The following SCAPER variants were observed in gnomAD, a reference collection of about 807,000 sequenced individuals.
The protein encoded by SCAPER is S phase cyclin A-associated protein in the endoplasmic reticulum.
SCAPER carries 98 observed loss-of-function variants against 182.2 expected under a neutral mutation model. That is an observed-to-expected ratio of 0.54 (90% CI 0.46 to 0.64). The LOEUF (loss-of-function observed/expected upper bound fraction) is 0.64. Among genes scored for constraint, SCAPER ranks in the 30% least tolerant of loss-of-function variants. The pLI, the probability that SCAPER is intolerant of heterozygous loss-of-function variation, is 0.00. For synonymous variants in SCAPER, 605 were observed against 564.6 expected (o/e 1.07, Z -1.01); for missense variants, 1,432 against 1,690.0 (o/e 0.85, Z 2.68).
chr15:76,573,595 G>GAAGAAGATAC (rs1225238631), intron 23 of SCAPER, among the ~76,000 whole-genome samples: 4 of 151,974 alleles, frequency 2.6e-5, no homozygotes, highest in Non-Finnish European at 4.4e-5. Flanking sequence ...AAAATGTTTG[G>GAAGAAGATAC]AAGAAGATAC....
At position 76,728,714 on chromosome 15, in the gene SCAPER, T is replaced by C. The variant is rs779151233; in HGVS notation, c.2046A>G (p.Ala682=). ...AVQERKRALE[A]ERQARVEELL... ...ATTCTTCTACACGGGCCTGCCGCTC[T>C]GCCTCTAGAGCTCTCTTGCGTTCCT... The change falls in exon 17 of 32, where the codon GCA becomes GCG. Residue 682 remains alanine, a synonymous_variant. Coordinates refer to ENST00000563290, the MANE Select transcript of SCAPER (RefSeq NM_020843.4). 5 of 1,613,300 alleles carry C rather than the reference T, an allele frequency of 3.1e-6. No individual in the cohort carries two copies. The African/African-American group carries it at 5.3e-5, about 17-fold the overall frequency.
chr15:76,610,724 G>C (rs1250957088), intron 22 of SCAPER, among the ~76,000 whole-genome samples: 1 of 151,998 alleles, frequency 6.6e-6, no homozygotes, highest in Non-Finnish European at 1.5e-5. Context: ...TAACTAAAAA[G>C]GTGAAAGACT....
At chr15:76,676,974 A>G (rs954908610) in intron 20 of SCAPER, among the ~76,000 whole-genome samples, 1 of 151,960 alleles carries the variant, frequency 6.6e-6, no homozygotes. Context: ...GTCAATTTGC[A>G]TAAGGTTATA....
intron 15 of SCAPER, among the ~76,000 whole-genome samples, chr15:76,742,244 T>C (rs1198915083): frequency 6.6e-6 from 1 of 151,790 alleles, no homozygotes; most frequent in African/African-American, 2.4e-5. Flanking sequence ...GTGATCGGTA[T>C]TAGAAACAAG....
chr15:76,644,671 C>T (rs182692675), intron 21 of SCAPER, among the ~76,000 whole-genome samples: 13 of 152,160 alleles, frequency 8.5e-5, no homozygotes, highest in Admixed American at 5.9e-4. Context: ...CCCCACAATA[C>T]CCAGTATAAA....
intron 15 of SCAPER, among the ~76,000 whole-genome samples, chr15:76,750,320 C>T (rs1486237342): frequency 6.6e-6 from 1 of 151,684 alleles, no homozygotes; most frequent in Non-Finnish European, 1.5e-5. Context: ...TAAGAAAATC[C>T]CTGGACCTGA....
chr15:76,715,623 G>A (rs1228310303), intron 17 of SCAPER, among the ~76,000 whole-genome samples: 2 of 152,030 alleles, frequency 1.3e-5, no homozygotes, highest in Non-Finnish European at 2.9e-5. Context: ...ATTATACCAA[G>A]TCAGGGTCCC....
At chr15:76,830,910 G>T (rs73445371) in intron 5 of SCAPER, among the ~76,000 whole-genome samples, 1 of 151,956 alleles carries the variant, frequency 6.6e-6, no homozygotes, top group Non-Finnish European at 1.5e-5. Context: ...TGGGAACCCC[G>T]AACAGGGTTG....
At chr15:76,450,827 T>G (rs2048325245) in intron 25 of SCAPER, among the ~76,000 whole-genome samples, 1 of 152,228 alleles carries the variant, frequency 6.6e-6, no homozygotes, top group Admixed American at 6.5e-5. Context: ...GTGTTCGGAT[T>G]ACATGCATGA....
intron 21 of SCAPER, among the ~76,000 whole-genome samples, chr15:76,637,246 A>G (rs2053678234): frequency 6.6e-6 from 1 of 152,106 alleles, no homozygotes; most frequent in Non-Finnish European, 1.5e-5. Context: ...TATGTCTTCA[A>G]TTCTTGAGGG....
At chr15:76,776,327 G>C (rs2063742185) in intron 8 of SCAPER, among the ~76,000 whole-genome samples, 1 of 152,110 alleles carries the variant, frequency 6.6e-6, no homozygotes, top group Admixed American at 6.5e-5. Context: ...AACACCAATG[G>C]AACCCCTGTT....
At chr15:76,446,722 G>T (rs772138551) in intron 25 of SCAPER, among the ~76,000 whole-genome samples, 8 of 152,102 alleles carry the variant, frequency 5.3e-5, no homozygotes, top group African/African-American at 7.2e-5. Flanking sequence ...TGCATATCCT[G>T]AAGTAGACAA....
chr15:76,632,210 G>T (rs1275486393), intron 21 of SCAPER, among the ~76,000 whole-genome samples: 1 of 152,068 alleles, frequency 6.6e-6, no homozygotes. Flanking sequence ...GTTTGTTTGA[G>T]ACAGAGTCTC....
intron 24 of SCAPER, among the ~76,000 whole-genome samples, chr15:76,492,342 AATAC>A (rs2052401863): frequency 6.6e-6 from 1 of 152,222 alleles, no homozygotes; most frequent in South Asian, 2.1e-4. Flanking sequence ...ATTACTAGTA[AATAC>A]ATATTATTAA....
chr15:76,633,970 G>A (rs760945344), intron 21 of SCAPER, among the ~76,000 whole-genome samples: 6 of 152,222 alleles, frequency 3.9e-5, no homozygotes, highest in Non-Finnish European at 5.9e-5. Flanking sequence ...TTCCCATGGA[G>A]TGGATGGATC....
chr15:76,524,504 T>G (rs888919340), intron 23 of SCAPER, among the ~76,000 whole-genome samples: 1 of 152,048 alleles, frequency 6.6e-6, no homozygotes, highest in Non-Finnish European at 1.5e-5. Flanking sequence ...AATATAAATA[T>G]AAGTGAATAT....
Position 76,795,397 on chromosome 15 carries a change from C to T in SCAPER, c.655G>A (p.Gly219Ser), listed in dbSNP as rs918830787. Residue 219 changes from glycine (G) to serine (S), a missense_variant, in exon 8 of 32, where the codon GGT becomes AGT. Transcript: ENST00000563290. ...TTTACCTTGTCAGCCCAACTGACACCTGTGGGAGCCAGACGAGGAGCTGGC... is the reference window on the plus strand; with the variant it reads ...TTTACCTTGTCAGCCCAACTGACACTTGTGGGAGCCAGACGAGGAGCTGGC... ...TVPAPRLAPTGVSWADKVKAH... is the reference protein window; with the variant it reads ...TVPAPRLAPTSVSWADKVKAH... 3 of 1,608,086 alleles carry T rather than the reference C, an allele frequency of 1.9e-6. No individual in the cohort carries two copies. In the African/African-American group the frequency reaches 4.0e-5, roughly 22 times the overall value.
chr15:76,353,577 T>C (rs2040752217), intron 30 of SCAPER, among the ~76,000 whole-genome samples: 1 of 152,240 alleles, frequency 6.6e-6, no homozygotes, highest in Non-Finnish European at 1.5e-5. Flanking sequence ...CTAATTTTAA[T>C]TCATCTTTCT....
At chr15:76,831,375 C>T (rs2068461107) in intron 5 of SCAPER, among the ~76,000 whole-genome samples, 1 of 152,030 alleles carries the variant, frequency 6.6e-6, no homozygotes, top group African/African-American at 2.4e-5. Context: ...ACTACCATAA[C>T]TCTTTCCCAG....
Sources: allele counts gnomAD v4.1 joint callset (sites outside exome capture counted in the v4.1 genomes callset), GRCh38; gene constraint gnomAD v4.1.1; transcripts MANE v1.5; gene names NCBI Gene and HGNC (gene_info 2026-07-23, HGNC 2026-07-21).